PPP1CB: variants seen among roughly 807,000 people sequenced by gnomAD.
The protein encoded by PPP1CB is serine/threonine-protein phosphatase PP1-beta catalytic subunit.
Under a neutral mutation model 43.7 loss-of-function variants are expected in PPP1CB, and 2 were observed. The ratio of observed to expected loss-of-function variants is 0.05; its 90% CI spans 0.02 to 0.14. The LOEUF (loss-of-function observed/expected upper bound fraction) is 0.14, where lower values mean the gene tolerates loss of function less well. PPP1CB is among the 10% of genes least tolerant of loss of function. The pLI is 1.00. For missense variants in PPP1CB, 84 were observed against 398.0 expected (o/e 0.21, Z 6.71); for synonymous variants, 136 against 135.6 (o/e 1.00, Z -0.02).
chr2:28,801,775 A>G lies in PPP1CB; in HGVS notation c.*2472A>G, dbSNP rs771849499. The G allele has an allele frequency of 6.6e-6, 1 of 152,212 alleles. No individual in the cohort carries two copies. The highest frequency in any genetic ancestry group is 1.5e-5 in the Non-Finnish European group (1 of 68,022). The allele number at this position is 152,212 out of a possible 1,614,324, so 9.4% of individuals were successfully genotyped here. On this transcript the variant is annotated 3_prime_UTR_variant, in exon 8 of 8. Coordinates refer to ENST00000395366, the MANE Select transcript of PPP1CB (RefSeq NM_002709.3). ...ATGACATTCAGAAATCATGAAACAC[A>G]GTAGATATCTGTTATAATGTGGTGT...
At chr2:28,772,564 T>A (rs1461476572) in intron 1 of PPP1CB, among the ~76,000 whole-genome samples, 1 of 152,096 alleles carries the variant, frequency 6.6e-6, no homozygotes, top group South Asian at 2.1e-4. Context: ...AAGATAAATA[T>A]GCCCATGGAT....
intron 1 of PPP1CB, among the ~76,000 whole-genome samples, chr2:28,768,499 C>T (rs556506612): frequency 6.6e-4 from 100 of 152,292 alleles, no homozygotes; most frequent in African/African-American, 2.4e-3. Flanking sequence ...GCAGACATTT[C>T]AGTATCTAAT....
At chr2:28,787,715 A>C (rs1007755318) in intron 5 of PPP1CB, among the ~76,000 whole-genome samples, 20 of 152,142 alleles carry the variant, frequency 1.3e-4, no homozygotes, top group Non-Finnish European at 2.8e-4. Context: ...GGATACGTTT[A>C]CTATACTAAG....
At chr2:28,758,299 C>G (rs1389268396) in intron 1 of PPP1CB, among the ~76,000 whole-genome samples, 2 of 152,132 alleles carry the variant, frequency 1.3e-5, no homozygotes, top group Admixed American at 6.6e-5. Flanking sequence ...TCAAACATTT[C>G]TAACAGGTAA....
rs1396818716 is a variant in PPP1CB at position 28,802,158 on chromosome 2, T to C, written c.*2855T>C. On this transcript the variant is annotated 3_prime_UTR_variant, in exon 8 of 8. Transcript: ENST00000395366. ...GAAACATAGGCTTTTCAAAAAAATT[T>C]TTATTCAAGGCAAAGCAAGGAACAT... The C allele has an allele frequency of 6.6e-6, 1 of 152,186 alleles. No homozygotes were observed. Among genetic ancestry groups the C allele is most frequent in the African/African-American group, 2.4e-5 (1 of 41,436 alleles). The allele number at this position is 152,186 out of a possible 1,614,324, so 9.4% of individuals were successfully genotyped here.
chr2:28,788,590 T>C, intron 5 of PPP1CB, 68 bp from the exon 6 acceptor site: 1 of 1,496,194 alleles, frequency 6.7e-7, no homozygotes, highest in Non-Finnish European at 9.2e-7. Context: ...TGAAATTTGA[T>C]GTAGATGTGC....
chr2:28,764,814 A>G (rs1323801230), intron 1 of PPP1CB, among the ~76,000 whole-genome samples: 3 of 152,204 alleles, frequency 2.0e-5, no homozygotes, highest in Admixed American at 1.3e-4. Flanking sequence ...CCACCTACCC[A>G]GTAGATTGAG....
chr2:28,760,724 C>G (rs1324760216), intron 1 of PPP1CB, among the ~76,000 whole-genome samples: 1 of 152,202 alleles, frequency 6.6e-6, no homozygotes, highest in Non-Finnish European at 1.5e-5. Context: ...TTGGGTGTTA[C>G]ATAGCTTTCA....
chr2:28,787,874 C>G (rs1000547592), intron 5 of PPP1CB, among the ~76,000 whole-genome samples: 1 of 152,134 alleles, frequency 6.6e-6, no homozygotes, highest in Non-Finnish European at 1.5e-5. Context: ...AAGATTTCCA[C>G]TACCATTAAT....
At chr2:28,763,341 GTGAC>G (rs1169956705) in intron 1 of PPP1CB, among the ~76,000 whole-genome samples, 1 of 152,154 alleles carries the variant, frequency 6.6e-6, no homozygotes, top group Non-Finnish European at 1.5e-5. Context: ...GAACAACACA[GTGAC>G]TGACTACCAG....
In PPP1CB at chr2:28,752,130, G is replaced by A. The variant is rs367543172; in HGVS notation, c.6G>A (p.Ala2=). The A allele has an allele frequency of 1.9e-6, 3 of 1,549,742 alleles. No homozygotes were observed. The highest frequency in any genetic ancestry group is 2.6e-6 in the Non-Finnish European group (3 of 1,146,132). Residue 2 remains alanine, a synonymous_variant, in exon 1 of 8, where the codon GCG becomes GCA. Transcript: ENST00000395366. The stretch of plus-strand genomic sequence containing the variant: ...GGAGAGTCTGTGCCGACAAGATGGC[G>A]GACGGGGAGCTGAACGTGGACAGCC... The part of the protein sequence containing the change: M[A]DGELNVDSLI...
chr2:28,791,716 T>G (rs912433524), intron 6 of PPP1CB, among the ~76,000 whole-genome samples: 1 of 152,176 alleles, frequency 6.6e-6, no homozygotes, highest in East Asian at 1.9e-4. Flanking sequence ...ATTGCTAAGT[T>G]TCCTAACTAA....
At chr2:28,771,046 C>G (rs1052369227) in intron 1 of PPP1CB, among the ~76,000 whole-genome samples, 4 of 96,054 alleles carry the variant, frequency 4.2e-5, no homozygotes, top group Admixed American at 3.6e-4. Context: ...CTGCTCCCCC[C>G]CCCCCACCCT....
intron 6 of PPP1CB, among the ~76,000 whole-genome samples, chr2:28,789,899 A>G (rs1051800677): frequency 2.0e-5 from 3 of 152,064 alleles, no homozygotes; most frequent in Non-Finnish European, 4.4e-5. Context: ...CACTGTGCCC[A>G]GCCTCATTTT....
At chr2:28,781,960 T>C in intron 4 of PPP1CB, 118 bp downstream of exon 4, 1 of 739,126 alleles carries the variant, frequency 1.4e-6, no homozygotes, top group South Asian at 1.5e-5. Flanking sequence ...CTCAAGTGAT[T>C]AAAACTGTTT....
At chr2:28,792,524 C>A (rs907565659) in intron 6 of PPP1CB, among the ~76,000 whole-genome samples, 36 of 152,004 alleles carry the variant, frequency 2.4e-4, no homozygotes, top group Non-Finnish European at 5.9e-5. Flanking sequence ...CCTGTCTCCA[C>A]ACAAGCACAT....
At chr2:28,786,276 G>A (rs143651214) in intron 5 of PPP1CB, among the ~76,000 whole-genome samples, 1 of 152,162 alleles carries the variant, frequency 6.6e-6, no homozygotes, top group African/African-American at 2.4e-5. Context: ...ACTGTGCCCA[G>A]CTAATTTTTG....
At chr2:28,777,809 C>T (rs375919630) in intron 2 of PPP1CB, among the ~76,000 whole-genome samples, 2 of 152,256 alleles carry the variant, frequency 1.3e-5, no homozygotes, top group South Asian at 2.1e-4. Flanking sequence ...TGAGCCACCA[C>T]GTCTAGCTGA....
At chr2:28,753,864 G>A (rs1666412207) in intron 1 of PPP1CB, among the ~76,000 whole-genome samples, 1 of 151,986 alleles carries the variant, frequency 6.6e-6, no homozygotes. Context: ...CTCCTGAGTA[G>A]CTGGGATTAC....
Sources: gnomAD v4.1 joint callset for allele counts (sites outside exome capture counted in the v4.1 genomes callset) on GRCh38, gnomAD v4.1.1 for gene constraint, MANE v1.5 for transcripts, NCBI Gene and HGNC (gene_info 2026-07-23, HGNC 2026-07-21) for gene names.